PDE11A: variants seen among roughly 807,000 people sequenced by gnomAD.
PDE11A encodes the protein phosphodiesterase 11A, also known as dual 3',5'-cyclic-AMP and -GMP phosphodiesterase 11A.
PDE11A carries 100 observed loss-of-function variants against 100.5 expected under a neutral mutation model. The observed-to-expected ratio is 1.00, with a 90% confidence interval of 0.85 to 1.18. The LOEUF (loss-of-function observed/expected upper bound fraction) is 1.18, where lower values mean the gene tolerates loss of function less well. PDE11A is among the 50% of genes most tolerant of loss of function. The pLI, the probability that PDE11A is intolerant of heterozygous loss-of-function variation, is 0.00. For missense variants in PDE11A, 1,141 were observed against 1,152.6 expected (o/e 0.99, Z 0.15); for synonymous variants, 381 against 420.8 (o/e 0.91, Z 1.16).
chr2:177,730,919 C>A (rs1283583958), intron 10 of PDE11A, among the ~76,000 whole-genome samples: 11 of 152,076 alleles, frequency 7.2e-5, no homozygotes, highest in Non-Finnish European at 1.6e-4. Context: ...GGCTGAAACT[C>A]CATACTTATT....
rs2084059510 is a variant in PDE11A, at chr2:177,868,011, G to A, written c.1367+7848C>T. The stretch of plus-strand genomic sequence containing the variant: ...TCAATTCTCCTTAAAAGAATGATAG[G>A]ATTTGGGCCATGGTGGCTGGAAATC... On this transcript the variant is annotated intron_variant, in intron 5 of 19. Coordinates refer to ENST00000286063, the MANE Select transcript of PDE11A (RefSeq NM_016953.4). 2.0e-5 allele frequency among the ~76,000 whole-genome samples: 3 copies of A among 152,308 alleles called. No homozygotes were observed. In the South Asian group the frequency reaches 6.2e-4, roughly 32 times the overall value.
chr2:177,890,437 C>A (rs1369101327), intron 4 of PDE11A, among the ~76,000 whole-genome samples: 2 of 152,168 alleles, frequency 1.3e-5, no homozygotes, highest in Non-Finnish European at 2.9e-5. Flanking sequence ...ACATTGTGCT[C>A]TACCCAAGAT....
intron 1 of PDE11A, among the ~76,000 whole-genome samples, chr2:178,059,100 A>T (rs930667211): frequency 6.6e-6 from 1 of 152,228 alleles, no homozygotes; most frequent in Non-Finnish European, 1.5e-5. Flanking sequence ...CTGATGGAGC[A>T]TGCCTCAGAG....
intron 9 of PDE11A, among the ~76,000 whole-genome samples, chr2:177,805,529 G>A (rs983584149): frequency 1.3e-5 from 2 of 152,022 alleles, no homozygotes; most frequent in African/African-American, 4.8e-5. Flanking sequence ...CGATTCCAAG[G>A]TCAAATCAAT....
At position 178,083,055 on chromosome 2, in the gene PDE11A, T is replaced by C. The variant is rs1011531635; in HGVS notation, c.162+21247A>G. Among the ~76,000 whole-genome samples the C allele has an allele frequency of 7.9e-5, 12 of 152,190 alleles. No homozygotes were observed. In the East Asian group the frequency reaches 9.7e-4, roughly 12 times the overall value. On this transcript the variant is annotated intron_variant, in intron 2 of 20. Coordinates refer to the PDE11A transcript ENST00000358450. ...CATACTTTCTGCTAGTTAGGGCTAA[T>C]TGAAAAATCACTGTATAGAAAAACA...
chr2:177,645,846 A>T (rs954934232), intron 19 of PDE11A, among the ~76,000 whole-genome samples: 1 of 152,222 alleles, frequency 6.6e-6, no homozygotes, highest in African/African-American at 2.4e-5. Flanking sequence ...TAATTATACT[A>T]TTAGTAATAA....
chr2:178,023,278 A>C lies in PDE11A; in HGVS notation c.913-8818T>G, dbSNP rs536483872. Among the ~76,000 whole-genome samples the C allele has an allele frequency of 2.0e-5, 3 of 152,312 alleles. No individual in the cohort carries two copies. The South Asian group carries it at 6.2e-4, about 32-fold the overall frequency. ...CTCAGCTTTCATGTCTTTGAGAAAG[A>C]ATTATATTTAATATGCTCAAGAATC... On this transcript the variant is annotated intron_variant, in intron 1 of 19. Transcript: ENST00000286063.
chr2:177,950,049 T>A lies in PDE11A; in HGVS notation c.1072-44862A>T, dbSNP rs74995363. On this transcript the variant is annotated intron_variant, in intron 2 of 19. Transcript: ENST00000286063. ...AAGTACTGATACTGTAGATACGTGA[T>A]CTACGTGATTCAAACTTACAATAAT... 6.8e-3 allele frequency among the ~76,000 whole-genome samples: 1,032 copies of A among 152,356 alleles called. 12 individuals carry two copies. Among genetic ancestry groups the A allele is most frequent in the African/African-American group, 0.023 (958 of 41,574 alleles).
intron 2 of PDE11A, among the ~76,000 whole-genome samples, chr2:177,951,734 A>G (rs1286273407): frequency 6.6e-6 from 1 of 152,096 alleles, no homozygotes; most frequent in Non-Finnish European, 1.5e-5. Context: ...GAAGAGCCCA[A>G]CTCTTCTATA....
intron 19 of PDE11A, among the ~76,000 whole-genome samples, chr2:177,649,657 G>A (rs1370007892): frequency 1.3e-5 from 2 of 152,162 alleles, no homozygotes; most frequent in African/African-American, 2.4e-5. Flanking sequence ...GAAGCATTAT[G>A]TATTAAAAAC....
chr2:177,649,397 A>C (rs906874338), intron 19 of PDE11A, among the ~76,000 whole-genome samples: 6 of 152,238 alleles, frequency 3.9e-5, no homozygotes, highest in Admixed American at 3.9e-4. Context: ...TTGTTTAAAT[A>C]ATTTATTTTT....
intron 2 of PDE11A, among the ~76,000 whole-genome samples, chr2:177,972,877 A>G (rs925075930): frequency 5.9e-5 from 9 of 152,182 alleles, no homozygotes; most frequent in African/African-American, 2.2e-4. Flanking sequence ...GTGGGGAAGA[A>G]AAGCTTTGGA....
intron 1 of PDE11A, among the ~76,000 whole-genome samples, chr2:178,065,353 A>G (rs971524832): frequency 5.3e-5 from 8 of 152,244 alleles, no homozygotes; most frequent in African/African-American, 1.9e-4. Flanking sequence ...AGGCTTGTCA[A>G]TAAACAGGTG....
chr2:177,651,519 T>C (rs2105460838), intron 19 of PDE11A, among the ~76,000 whole-genome samples: 1 of 152,304 alleles, frequency 6.6e-6, no homozygotes, highest in African/African-American at 2.4e-5. Context: ...AAAAGAAAGC[T>C]GAGGATGGCG....
intron 5 of PDE11A, among the ~76,000 whole-genome samples, chr2:177,840,833 C>T (rs938478139): frequency 2.0e-5 from 3 of 152,118 alleles, no homozygotes; most frequent in African/African-American, 7.2e-5. Context: ...ACAAATGCAG[C>T]AAAAGAATGT....
At chr2:177,750,639 TG>T (rs1157463084) in intron 10 of PDE11A, among the ~76,000 whole-genome samples, 1 of 152,200 alleles carries the variant, frequency 6.6e-6, no homozygotes, top group Non-Finnish European at 1.5e-5. Flanking sequence ...TGATGGGCTT[TG>T]TAAAAGGTGT....
At chr2:177,720,279 T>C (rs899820113) in intron 12 of PDE11A, among the ~76,000 whole-genome samples, 1 of 152,158 alleles carries the variant, frequency 6.6e-6, no homozygotes, top group African/African-American at 2.4e-5. Context: ...GAAGCAGATT[T>C]CAATTGCTTA....
intron 10 of PDE11A, among the ~76,000 whole-genome samples, chr2:177,729,610 T>C (rs1363181251): frequency 1.3e-5 from 2 of 152,210 alleles, no homozygotes; most frequent in Non-Finnish European, 2.9e-5. Context: ...CTAGGTAAGA[T>C]TTCTAGGTTG....
At position 178,071,706 on chromosome 2, in the gene PDE11A, T is replaced by G. The variant is rs754977043; in HGVS notation, c.732A>C (p.Glu244Asp). ...AGGTCTTCTTGCCAGCAGCTGCCCC[T>G]TCCACCAGGAAAAGAGAGCAGCGGT... ...DADRCSLFLV[E>D]GAAAGKKTLV... The change falls in exon 1 of 20, where the codon GAA becomes GAC. Residue 244 changes from glutamate (E) to aspartate (D), a missense_variant. Physicochemically the swap from Glu to Asp is conservative, Grantham distance 45 (BLOSUM62 2). Transcript: ENST00000286063. The G allele has an allele frequency of 2.5e-6, 4 of 1,613,800 alleles. No individual in the cohort carries two copies. Among genetic ancestry groups the G allele is most frequent in the Non-Finnish European group, 3.4e-6 (4 of 1,179,826 alleles).
Sources: gnomAD v4.1 joint callset for allele counts (sites outside exome capture counted in the v4.1 genomes callset) on GRCh38, gnomAD v4.1.1 for gene constraint, MANE v1.5 for transcripts, NCBI Gene and HGNC (gene_info 2026-07-23, HGNC 2026-07-21) for gene names.